The following AGPAT2 variants were observed in gnomAD, a reference collection of about 807,000 sequenced individuals.
AGPAT2 encodes 1-acylglycerol-3-phosphate O-acyltransferase 2.
Under a neutral mutation model 26.1 loss-of-function variants are expected in AGPAT2, and 18 were observed. The ratio of observed to expected loss-of-function variants is 0.69; its 90% CI spans 0.48 to 1.02. The LOEUF (loss-of-function observed/expected upper bound fraction) is 1.02, where lower values mean the gene tolerates loss of function less well. AGPAT2 is among the 50% of genes least tolerant of loss of function. The pLI, the probability that AGPAT2 is intolerant of heterozygous loss-of-function variation, is 0.00. For synonymous variants in AGPAT2, 200 were observed against 174.2 expected (o/e 1.15, Z -1.16); for missense variants, 415 against 394.9 (o/e 1.05, Z -0.43).
rs144522710 is a variant in AGPAT2, at chr9:136,673,650, G to A, written c.*102C>T. 258 of 1,294,078 alleles carry A rather than the reference G, an allele frequency of 2.0e-4. 1 individual carries two copies. In the East Asian group the frequency reaches 5.2e-3, roughly 26 times the overall value. 80.2% of individuals were successfully genotyped at this position (1,294,078 alleles called of 1,614,324 possible). On this transcript the variant is annotated 3_prime_UTR_variant, in exon 6 of 6. Transcript: ENST00000371696. Reference sequence around the variant, plus strand: ...GGGCTGAGTGAGAGCTGGGGGAGCCGGACAGAGTGGTATTTGGAAGCCGGG... The same window carrying A: ...GGGCTGAGTGAGAGCTGGGGGAGCCAGACAGAGTGGTATTTGGAAGCCGGG...
Position 136,677,429 on chromosome 9 carries a change from TG to T in AGPAT2, c.309del (p.Asp103GlufsTer2). 1 of 1,613,186 alleles carries T rather than the reference TG, an allele frequency of 6.2e-7. No homozygotes were observed. Among genetic ancestry groups the T allele is most frequent in the African/African-American group, 1.3e-5 (1 of 75,048 alleles). ...CCCCCGAGGCCCGGCCTACCCATCA[TG>T]TCCAGGATGCTCTGGTGGTTGGAGA... ...VIVSNHQSILDMMGLMEVLPE... is the reference protein window; with the variant it reads ...VIVSNHQSILXMMGLMEVLPE... On this transcript the variant is annotated frameshift_variant, in exon 2 of 6. Coordinates refer to ENST00000371696, the MANE Select transcript of AGPAT2 (RefSeq NM_006412.4). LOFTEE classifies it high-confidence loss of function.
Position 136,677,303 on chromosome 9 carries a change from G to A in AGPAT2, c.316+120C>T, listed in dbSNP as rs1846105037. 3.2e-6 allele frequency: 5 copies of A among 1,546,306 alleles called. No homozygotes were observed. The Admixed American group carries it at 8.9e-5, about 28-fold the overall frequency. ...TGTCTGGCCCTGAGGGAGGTACTGA[G>A]GCCGAGCTCGCCCAGGCACAGGCAG... On this transcript the variant is annotated intron_variant, in intron 2 of 5. Transcript: ENST00000371696.
At chr9:136,676,462 G>T (rs1846090852) in intron 4 of AGPAT2, 123 bp downstream of exon 4, 1 of 758,126 alleles carries the variant, frequency 1.3e-6, no homozygotes, top group Non-Finnish European at 2.2e-6. Context: ...CCCCAACTCA[G>T]TGGGAGGAGT....
intron 2 of AGPAT2, 127 bp from the exon 3 acceptor site, chr9:136,677,263 G>T: frequency 6.7e-7 from 1 of 1,483,946 alleles, no homozygotes; most frequent in Non-Finnish European, 9.2e-7. Flanking sequence ...GGGTCGTGTG[G>T]CCTCCGAGCC....
chr9:136,679,801 G>A (rs531540463), intron 1 of AGPAT2, among the ~76,000 whole-genome samples: 4 of 152,334 alleles, frequency 2.6e-5, no homozygotes, highest in South Asian at 2.1e-4. Flanking sequence ...CAGGCCCAGC[G>A]GCTGGCAGGA....
rs779132574 is a variant in AGPAT2 at position 136,676,640 on chromosome 9, T to C, written c.533A>G (p.Asn178Ser). Reference sequence around the variant, plus strand: ...CTTCTTAAAAGGCAGCAGGTCCCCATTGTCGTTGCGAGTACCCTCGGGATA... The same window carrying C: ...CTTCTTAAAAGGCAGCAGGTCCCCACTGTCGTTGCGAGTACCCTCGGGATA... ...WIYPEGTRND[N>S]GDLLPFKKGA... is the part of the protein sequence containing the mutation. The change falls in exon 4 of 6, where the codon AAT (asparagine) becomes AGT (serine). Residue 178 changes from asparagine (N) to serine (S), a missense_variant. By Grantham distance (46) the Asn-to-Ser change is conservative (BLOSUM62 1). Coordinates refer to ENST00000371696, the MANE Select transcript of AGPAT2 (RefSeq NM_006412.4). 5 of 1,613,236 alleles carry C rather than the reference T, an allele frequency of 3.1e-6. No homozygotes were observed. The African/African-American group carries it at 4.0e-5, about 13-fold the overall frequency.
intron 2 of AGPAT2, 28 bp downstream of exon 2, chr9:136,677,395 C>T: frequency 6.2e-7 from 1 of 1,612,916 alleles, no homozygotes; most frequent in Admixed American, 1.7e-5. Flanking sequence ...ACTCAAACCC[C>T]AGAAGCCACC....
chr9:136,673,875 C>T lies in AGPAT2; in HGVS notation c.714G>A (p.Ala238=), dbSNP rs370950858. ...LEAIPTSGLT[A]ADVPALVDTC... is the part of the protein sequence containing the mutation. ...TGTCCACGAGCGCAGGGACGTCCGC[C>T]GCAGTGAGGCCGCTGGTGGGGATGG... The change falls in exon 6 of 6, where the codon GCG becomes GCA. Residue 238 remains alanine, a synonymous_variant. Coordinates refer to ENST00000371696, the MANE Select transcript of AGPAT2 (RefSeq NM_006412.4). 8.9e-5 allele frequency: 142 copies of T among 1,603,132 alleles called. No individual in the cohort carries two copies. The highest frequency in any genetic ancestry group is 3.9e-4 in the African/African-American group (29 of 74,844).
chr9:136,681,002 A>C (rs1399053280), intron 1 of AGPAT2, among the ~76,000 whole-genome samples: 1 of 152,074 alleles, frequency 6.6e-6, no homozygotes, highest in African/African-American at 2.4e-5. Context: ...CGCACCACCT[A>C]AACAATATAA....
chr9:136,675,972 G>C (rs932098384), intron 4 of AGPAT2, among the ~76,000 whole-genome samples: 8 of 152,176 alleles, frequency 5.3e-5, no homozygotes, highest in African/African-American at 1.9e-4. Context: ...CCACCCAGAT[G>C]GGTAAAAGCT....
Position 136,674,824 on chromosome 9 carries a change from G to A in AGPAT2, c.589-17C>T, listed in dbSNP as rs759658165. 2.3e-5 allele frequency: 36 copies of A among 1,536,684 alleles called. No homozygotes were observed. The Admixed American group carries it at 2.9e-4, about 12-fold the overall frequency. ...GATGGGCACCTGCAGGCAGGGAGAC[G>A]CACAGCTGAGGCAGCCCTGGGGACA... On this transcript the variant is annotated splice_polypyrimidine_tract_variant and intron_variant, in intron 4 of 5. Coordinates refer to ENST00000371696, the MANE Select transcript of AGPAT2 (RefSeq NM_006412.4).
Position 136,686,145 on chromosome 9 carries a change from G to A in AGPAT2, c.182+1031C>T, listed in dbSNP as rs576326324. On this transcript the variant is annotated intron_variant, in intron 1 of 5. Transcript: ENST00000371696. ...GGCTCCGTTGGAAGCCATGACTGTA[G>A]GCCCGTTCCAGCAGCCTCAGTGCCC... Among the ~76,000 whole-genome samples the A allele has an allele frequency of 3.7e-3, 561 of 152,214 alleles. 1 individual carries two copies. The highest frequency in any genetic ancestry group is 5.4e-3 in the Admixed American group (83 of 15,300).
chr9:136,674,970 G>A (rs1279164030), intron 4 of AGPAT2, among the ~76,000 whole-genome samples, 163 bp from the exon 5 acceptor site: 1 of 152,208 alleles, frequency 6.6e-6, no homozygotes, highest in Non-Finnish European at 1.5e-5. Context: ...TGGGATATGT[G>A]TCCTGCTCTG....
At chr9:136,675,248 G>A (rs1189269095) in intron 4 of AGPAT2, among the ~76,000 whole-genome samples, 1 of 152,150 alleles carries the variant, frequency 6.6e-6, no homozygotes, top group Non-Finnish European at 1.5e-5. Context: ...TGGTGTTCCT[G>A]GAAGTCACCG....
chr9:136,674,681 G>A (rs566363731), intron 5 of AGPAT2, 54 bp downstream of exon 5: 14 of 1,301,880 alleles, frequency 1.1e-5, no homozygotes, highest in African/African-American at 3.1e-5. Context: ...CCGGGGCTCC[G>A]TGACTGTAGG....
intron 2 of AGPAT2, 56 bp downstream of exon 2, chr9:136,677,367 C>T: frequency 2.5e-6 from 4 of 1,611,990 alleles, no homozygotes; most frequent in Non-Finnish European, 3.4e-6. Context: ...CCCACACAGC[C>T]CCAGCTCAGC....
intron 1 of AGPAT2, among the ~76,000 whole-genome samples, chr9:136,684,181 C>T (rs1273678989): frequency 6.6e-6 from 1 of 152,222 alleles, no homozygotes; most frequent in Non-Finnish European, 1.5e-5. Context: ...CCCTAGGCTG[C>T]CCATCTGGTC....
In AGPAT2 at chr9:136,674,076, T is replaced by TG. The variant is rs139145747; in HGVS notation, c.662-150dup. On this transcript the variant is annotated intron_variant, in intron 5 of 5. Transcript: ENST00000371696. ...CTTCCCCTGGACTCCCTAGCCGTGG[T>TG]GGGTTATTTTAATTGCAGTAACGTT... The TG allele has an allele frequency of 2.0e-3, 1,462 of 749,124 alleles. 16 individuals carry two copies. In the African/African-American group the frequency reaches 0.022, roughly 11 times the overall value. 46.4% of individuals were successfully genotyped at this position (749,124 alleles called of 1,614,324 possible).
chr9:136,683,204 C>T (rs1846184044), intron 1 of AGPAT2, among the ~76,000 whole-genome samples: 2 of 151,046 alleles, frequency 1.3e-5, no homozygotes, highest in East Asian at 1.9e-4. Context: ...GGCAACAGAG[C>T]GAGACCTTGT....
Sources: gnomAD v4.1 joint callset for allele counts (sites outside exome capture counted in the v4.1 genomes callset) on GRCh38, gnomAD v4.1.1 for gene constraint, MANE v1.5 for transcripts, NCBI Gene and HGNC (gene_info 2026-07-23, HGNC 2026-07-21) for gene names.